Variants in ASTN1 observed in about 807,000 individuals in gnomAD.
ASTN1 encodes the protein astrotactin 1.
In ASTN1, 41 loss-of-function variants were observed where a neutral mutation model predicts 140.7. The observed-to-expected ratio is 0.29, with a 90% CI of 0.23 to 0.38. The LOEUF (loss-of-function observed/expected upper bound fraction) is 0.38. Ranked by LOEUF, ASTN1 falls within the 10% of genes least tolerant of loss-of-function variation. ASTN1 has a pLI of 1.00. For synonymous variants in ASTN1, 640 were observed against 652.2 expected, an observed-to-expected ratio of 0.98 and a Z score of 0.29; for missense variants, 1,479 against 1,678.8, an observed-to-expected ratio of 0.88 and a Z score of 2.08.
At chr1:176,868,152 C>G (rs1668196976) in intron 22 of ASTN1, among the ~76,000 whole-genome samples, 1 of 152,148 alleles carries the variant, frequency 6.6e-6, no homozygotes. Flanking sequence ...TTCAGTCTTT[C>G]CAGGGAAGTC....
At chr1:176,987,147 T>A (rs1571609778) in intron 8 of ASTN1, among the ~76,000 whole-genome samples, 1 of 152,156 alleles carries the variant, frequency 6.6e-6, no homozygotes, top group South Asian at 2.1e-4. Context: ...CAACCCCAAA[T>A]GTCCATAGTG....
intron 9 of ASTN1, among the ~76,000 whole-genome samples, chr1:176,961,579 T>C (rs1439805868): frequency 6.6e-6 from 1 of 152,190 alleles, no homozygotes; most frequent in Non-Finnish European, 1.5e-5. Flanking sequence ...AAGGTCACCC[T>C]CTGTAAATGG....
chr1:177,086,701 A>C (rs1364868567), intron 1 of ASTN1, among the ~76,000 whole-genome samples: 1 of 152,232 alleles, frequency 6.6e-6, no homozygotes, highest in African/African-American at 2.4e-5. Flanking sequence ...TTTTTTAAAA[A>C]GAAATTATAT....
At chr1:177,103,589 G>T (rs1680403290) in intron 1 of ASTN1, among the ~76,000 whole-genome samples, 2 of 152,110 alleles carry the variant, frequency 1.3e-5, no homozygotes, top group African/African-American at 4.8e-5. Context: ...TCATAATCAT[G>T]CAAATATAGC....
In ASTN1 at chr1:176,863,420, G is replaced by A. The variant is rs915953585; in HGVS notation, c.*864C>T. On this transcript the variant is annotated 3_prime_UTR_variant, in exon 23 of 23. Transcript: ENST00000361833. ...GCACATGGATATATATTGGTAGGCT[G>A]GAGAAGTCTATCCAAAGGAAGCATG... 1.0e-6 allele frequency: 1 copy of A among 985,774 alleles called. No individual in the cohort carries two copies. The highest frequency in any genetic ancestry group is 6.1e-5 in the Admixed American group (1 of 16,282). 61.1% of individuals were successfully genotyped at this position (985,774 alleles called of 1,614,324 possible).
At position 177,161,749 on chromosome 1, in the gene ASTN1, T is replaced by C. The variant is rs1277819424; in HGVS notation, c.283+2645A>G. 2.0e-5 allele frequency among the ~76,000 whole-genome samples: 3 copies of C among 152,004 alleles called. No homozygotes were observed. In the East Asian group the frequency reaches 5.8e-4, roughly 29 times the overall value. Reference sequence around the variant, plus strand: ...AAGCCAAAGCTTGTTTTTCTTGTTGTTTGTAATTTTTTTTTTCACTCAAAG... The same window carrying C: ...AAGCCAAAGCTTGTTTTTCTTGTTGCTTGTAATTTTTTTTTTCACTCAAAG... On this transcript the variant is annotated intron_variant, in intron 1 of 22. Coordinates refer to ENST00000361833, the MANE Select transcript of ASTN1 (RefSeq NM_004319.3).
chr1:176,982,922 G>A (rs1477302460), intron 8 of ASTN1, among the ~76,000 whole-genome samples: 4 of 152,186 alleles, frequency 2.6e-5, no homozygotes, highest in Non-Finnish European at 4.4e-5. Context: ...GTAAGGAATA[G>A]AGGGATGGAA....
chr1:177,076,284 A>AC (rs1678904929), intron 1 of ASTN1, among the ~76,000 whole-genome samples: 1 of 149,740 alleles, frequency 6.7e-6, no homozygotes, highest in African/African-American at 2.4e-5. Flanking sequence ...GTCTCAAAAA[A>AC]AAAAAAAAAA....
intron 21 of ASTN1, among the ~76,000 whole-genome samples, chr1:176,869,821 G>A (rs777889691): frequency 3.3e-5 from 5 of 152,140 alleles, no homozygotes; most frequent in South Asian, 2.1e-4. Flanking sequence ...GTGCGCATTC[G>A]GCTCAGAGAT....
intron 6 of ASTN1, 48 bp downstream of exon 6, chr1:177,024,535 C>A (rs746416733): frequency 6.2e-6 from 10 of 1,600,538 alleles, no homozygotes; most frequent in Non-Finnish European, 8.6e-6. Context: ...AACCAGAAAA[C>A]TTTCCTTTTT....
intron 12 of ASTN1, 99 bp downstream of exon 12, chr1:176,949,086 A>G (rs1358117545): frequency 2.5e-5 from 37 of 1,499,826 alleles, no homozygotes; most frequent in Non-Finnish European, 3.3e-5. Flanking sequence ...GGGATGGCCT[A>G]GGGTGACCTA....
At chr1:177,035,270 C>T (rs553939550) in intron 2 of ASTN1, among the ~76,000 whole-genome samples, 3 of 152,326 alleles carry the variant, frequency 2.0e-5, no homozygotes, top group African/African-American at 7.2e-5. Flanking sequence ...AGCCTGCAGT[C>T]ACCCAGAATG....
chr1:176,953,767 C>G (rs746846488), intron 11 of ASTN1, among the ~76,000 whole-genome samples: 2 of 152,134 alleles, frequency 1.3e-5, no homozygotes, highest in Non-Finnish European at 2.9e-5. Flanking sequence ...GCATAATGCT[C>G]TGGCAAGGAA....
At chr1:177,026,129 C>T (rs1172955356) in intron 5 of ASTN1, among the ~76,000 whole-genome samples, 2 of 152,150 alleles carry the variant, frequency 1.3e-5, no homozygotes, top group Non-Finnish European at 2.9e-5. Flanking sequence ...GAGCAGTTTC[C>T]TCTGGGTGCA....
At chr1:176,881,046 A>T (rs1372130796) in intron 20 of ASTN1, among the ~76,000 whole-genome samples, 1 of 152,210 alleles carries the variant, frequency 6.6e-6, no homozygotes, top group East Asian at 1.9e-4. Flanking sequence ...CTTGCAGCCC[A>T]TGTATTCTTA....
At chr1:177,149,001 A>T (rs1682847267) in intron 1 of ASTN1, among the ~76,000 whole-genome samples, 1 of 145,214 alleles carries the variant, frequency 6.9e-6, no homozygotes, top group African/African-American at 2.5e-5. Context: ...GAGAAAAGTA[A>T]ATATCTAGAA....
At chr1:177,029,456 C>A in intron 5 of ASTN1, 178 bp downstream of exon 5, 1 of 770,450 alleles carries the variant, frequency 1.3e-6, no homozygotes, top group Middle Eastern at 2.3e-4. Context: ...TGAAATTTTC[C>A]ACTCTAGGCT....
chr1:176,932,472 AGAG>A (rs761616603), intron 16 of ASTN1, among the ~76,000 whole-genome samples: 68 of 152,240 alleles, frequency 4.5e-4, no homozygotes, highest in Non-Finnish European at 7.5e-4. Context: ...ACCAGACTAA[AGAG>A]GAGAACACAT....
At chr1:177,092,372 TAGG>T (rs1354486796) in intron 1 of ASTN1, among the ~76,000 whole-genome samples, 2 of 152,218 alleles carry the variant, frequency 1.3e-5, no homozygotes, top group Non-Finnish European at 2.9e-5. Flanking sequence ...TGTTGAGTTG[TAGG>T]AGTTCTTTAT....
Sources: allele counts gnomAD v4.1 joint callset (sites outside exome capture counted in the v4.1 genomes callset), GRCh38; gene constraint gnomAD v4.1.1; transcripts MANE v1.5; gene names NCBI Gene and HGNC (gene_info 2026-07-23, HGNC 2026-07-21).